HFM1: variants seen among roughly 807,000 people sequenced by gnomAD.
HFM1 encodes the protein probable ATP-dependent DNA helicase HFM1.
HFM1 carries 169 observed loss-of-function variants against 192.1 expected under a neutral mutation model. The observed-to-expected ratio is 0.88, with a 90% CI of 0.78 to 1.00. The LOEUF (loss-of-function observed/expected upper bound fraction) is 1.00, where lower values mean the gene tolerates loss of function less well. HFM1 is among the 50% of genes least tolerant of loss of function. HFM1 has a pLI of 0.00. For missense variants in HFM1, 1,661 were observed against 1,668.0 expected, an observed-to-expected ratio of 1.00 and a Z score of 0.07; for synonymous variants, 525 against 537.8, an observed-to-expected ratio of 0.98 and a Z score of 0.33.
intron 13 of HFM1, among the ~76,000 whole-genome samples, chr1:91,364,603 TATAC>T (rs1162238073): frequency 8.5e-6 from 1 of 117,024 alleles, no homozygotes; most frequent in African/African-American, 3.3e-5. Flanking sequence ...TACATATACA[TATAC>T]ATATATATAT....
intron 7 of HFM1, among the ~76,000 whole-genome samples, 168 bp downstream of exon 7, chr1:91,380,744 T>C (rs72970347): frequency 2.6e-5 from 4 of 152,030 alleles, no homozygotes; most frequent in East Asian, 1.9e-4. Context: ...AATCCACCTA[T>C]GAAAATCACA....
chr1:91,378,283 G>T, intron 10 of HFM1, 100 bp from the exon 11 acceptor site: 3 of 1,265,194 alleles, frequency 2.4e-6, no homozygotes, highest in Non-Finnish European at 3.3e-6. Flanking sequence ...TTGAGAAAAT[G>T]AGCATTTTCC....
At chr1:91,349,530 C>T (rs1477965257) in intron 18 of HFM1, among the ~76,000 whole-genome samples, 1 of 152,180 alleles carries the variant, frequency 6.6e-6, no homozygotes, top group African/African-American at 2.4e-5. Context: ...TGAGAAAAGT[C>T]AGCTGCCATG....
At chr1:91,380,805 A>G in intron 7 of HFM1, 107 bp downstream of exon 7, 1 of 671,638 alleles carries the variant, frequency 1.5e-6, no homozygotes, top group South Asian at 1.7e-5. Context: ...CTAGACATGG[A>G]GTGTGGCAGT....
intron 18 of HFM1, among the ~76,000 whole-genome samples, chr1:91,347,861 C>T (rs568209974): frequency 6.6e-6 from 1 of 152,086 alleles, no homozygotes; most frequent in African/African-American, 2.4e-5. Context: ...AGGCACATAC[C>T]CACAGATATA....
At chr1:91,316,002 T>TA (rs780461966) in intron 27 of HFM1, 30 bp from the exon 28 acceptor site, 7 of 1,541,798 alleles carry the variant, frequency 4.5e-6, no homozygotes, top group Middle Eastern at 1.7e-4. Context: ...TAAAAAGTGT[T>TA]AAAAATAACC....
intron 2 of HFM1, among the ~76,000 whole-genome samples, chr1:91,400,550 T>C (rs977600681): frequency 6.6e-6 from 1 of 151,940 alleles, no homozygotes; most frequent in African/African-American, 2.4e-5. Flanking sequence ...GGCGCCACCT[T>C]AGCTCACTGC....
Position 91,319,171 on chromosome 1 carries a change from C to A in HFM1, c.2719G>T (p.Ala907Ser). The A allele has an allele frequency of 6.2e-7, 1 of 1,609,510 alleles. No individual in the cohort carries two copies. ...DFVAAQEKKF[A>S]VLLNSLILAK... is the part of the protein sequence containing the mutation. Reference sequence around the variant, plus strand: ...AAAATCAAACTATTCAATAGTACAGCAAACTTCTTTTCTTGAGCAGCTACA... The same window carrying A: ...AAAATCAAACTATTCAATAGTACAGAAAACTTCTTTTCTTGAGCAGCTACA... Residue 907 changes from alanine to serine, a missense_variant, in exon 25 of 39, where the codon GCT becomes TCT. Physicochemically the swap from Ala to Ser is moderately conservative, Grantham distance 99. Transcript: ENST00000370425.
intron 30 of HFM1, among the ~76,000 whole-genome samples, chr1:91,293,164 C>A (rs11805032): frequency 0.03 from 4,504 of 152,220 alleles, 239 homozygotes; most frequent in African/African-American, 0.1. Flanking sequence ...ATGTCTAAAA[C>A]ACCAAAAGCA....
intron 29 of HFM1, 47 bp downstream of exon 29, chr1:91,313,910 C>A (rs771056732): frequency 2.0e-6 from 2 of 1,016,998 alleles, no homozygotes; most frequent in Non-Finnish European, 3.0e-6. Context: ...TTTTTAAATG[C>A]AATTATATTA....
intron 20 of HFM1, among the ~76,000 whole-genome samples, chr1:91,339,237 G>A (rs1234886557): frequency 6.6e-6 from 1 of 151,688 alleles, no homozygotes; most frequent in African/African-American, 2.4e-5. Flanking sequence ...AAATACCAGA[G>A]TGTTTTCTTA....
intron 11 of HFM1, among the ~76,000 whole-genome samples, chr1:91,377,093 C>A (rs1162187670): frequency 5.9e-3 from 12 of 2,036 alleles, no homozygotes; most frequent in African/African-American, 0.014. Flanking sequence ...AGGTGAAATG[C>A]AGGTCAAAAA....
At chr1:91,322,166 A>G (rs78146527) in intron 23 of HFM1, among the ~76,000 whole-genome samples, 4,450 of 152,318 alleles carry the variant, frequency 0.029, 110 homozygotes, top group Non-Finnish European at 0.046. Flanking sequence ...ACAAGCTACA[A>G]ATCTGCCTGA....
intron 36 of HFM1, among the ~76,000 whole-genome samples, chr1:91,264,178 G>T (rs533664408): frequency 3.9e-5 from 6 of 151,958 alleles, no homozygotes; most frequent in Non-Finnish European, 5.9e-5. Flanking sequence ...GGTAGAGGTG[G>T]CATGATTACT....
chr1:91,298,136 C>T (rs1042939723), intron 30 of HFM1, among the ~76,000 whole-genome samples: 3 of 152,104 alleles, frequency 2.0e-5, no homozygotes, highest in Non-Finnish European at 2.9e-5. Context: ...AAGTACCTGA[C>T]GAATGCACAA....
At chr1:91,266,250 C>A in intron 35 of HFM1, 143 bp from the exon 36 acceptor site, 1 of 636,386 alleles carries the variant, frequency 1.6e-6, no homozygotes, top group Non-Finnish European at 2.6e-6. Context: ...ATTTAATTTG[C>A]ATAGAAAAAT....
At chr1:91,350,198 A>T (rs1656742223) in intron 18 of HFM1, among the ~76,000 whole-genome samples, 1 of 152,148 alleles carries the variant, frequency 6.6e-6, no homozygotes, top group South Asian at 2.1e-4. Context: ...TTAGAATGAT[A>T]CTTCAACAAG....
At chr1:91,281,285 A>G (rs141072435) in intron 30 of HFM1, among the ~76,000 whole-genome samples, 93 of 152,316 alleles carry the variant, frequency 6.1e-4, no homozygotes, top group African/African-American at 2.1e-3. Flanking sequence ...CTTGAGCAGC[A>G]TATTGCTTCC....
intron 30 of HFM1, among the ~76,000 whole-genome samples, chr1:91,296,751 T>C (rs1647649863): frequency 6.6e-6 from 1 of 152,222 alleles, no homozygotes; most frequent in African/African-American, 2.4e-5. Flanking sequence ...TGTTATTCTA[T>C]TACAAGGTTG....
Sources: allele counts gnomAD v4.1 joint callset (sites outside exome capture counted in the v4.1 genomes callset), GRCh38; gene constraint gnomAD v4.1.1; transcripts MANE v1.5; gene names NCBI Gene and HGNC (gene_info 2026-07-23, HGNC 2026-07-21).